The following TMEM132D variants were observed in gnomAD, a reference collection of about 807,000 sequenced individuals.
The protein encoded by TMEM132D is transmembrane protein 132D, also known as mature OL transmembrane protein.
A neutral mutation model predicts 62.3 loss-of-function variants in TMEM132D; 21 were observed. The observed-to-expected ratio is 0.34, with a 90% CI of 0.24 to 0.49. The LOEUF (loss-of-function observed/expected upper bound fraction) is 0.49, where lower values mean the gene tolerates loss of function less well. Ranked by LOEUF, TMEM132D falls within the 20% of genes least tolerant of loss-of-function variation. TMEM132D has a pLI of 0.99. For synonymous variants in TMEM132D, 621 were observed against 575.6 expected (o/e 1.08, Z -1.13); for missense variants, 1,346 against 1,402.8 (o/e 0.96, Z 0.65).
intron 1 of TMEM132D, among the ~76,000 whole-genome samples, chr12:129,805,405 G>C (rs1426068711): frequency 2.0e-5 from 3 of 152,046 alleles, no homozygotes; most frequent in African/African-American, 7.3e-5. Context: ...ACAACCATCT[G>C]ATCTTTGACA....
At chr12:129,715,529 A>G (rs1237906564) in intron 1 of TMEM132D, among the ~76,000 whole-genome samples, 1 of 152,192 alleles carries the variant, frequency 6.6e-6, no homozygotes, top group African/African-American at 2.4e-5. Flanking sequence ...ACCAATTCAA[A>G]GTGATTCTTG....
intron 5 of TMEM132D, among the ~76,000 whole-genome samples, chr12:129,101,181 C>T (rs370321190): frequency 9.0e-4 from 137 of 152,278 alleles, no homozygotes; most frequent in African/African-American, 3.1e-3. Context: ...TGGTGCCAGT[C>T]GGTGGCAGGA....
At position 129,352,826 on chromosome 12, in the gene TMEM132D, G is replaced by A. The variant is rs928158957; in HGVS notation, c.1116-15009C>T. Among the ~76,000 whole-genome samples the A allele has an allele frequency of 3.9e-5, 6 of 152,282 alleles. No homozygotes were observed. In the South Asian group the frequency reaches 8.3e-4, roughly 21 times the overall value. ...ACACTGTTGGTGGGAGTATAAATTAGTTCAGCCATCGTGGAAGACAGTGTG... is the reference window on the plus strand; with the variant it reads ...ACACTGTTGGTGGGAGTATAAATTAATTCAGCCATCGTGGAAGACAGTGTG... On this transcript the variant is annotated intron_variant, in intron 3 of 8. Transcript: ENST00000422113.
chr12:129,654,297 A>AGAGTGTGTGT (rs1555223866), intron 2 of TMEM132D, among the ~76,000 whole-genome samples: 5 of 148,360 alleles, frequency 3.4e-5, no homozygotes, highest in African/African-American at 1.2e-4. Flanking sequence ...TGTGTGTGTG[A>AGAGTGTGTGT]GTGTGTGTGT....
At chr12:129,792,822 A>AT (rs1026429295) in intron 1 of TMEM132D, among the ~76,000 whole-genome samples, 44 of 152,194 alleles carry the variant, frequency 2.9e-4, no homozygotes, top group African/African-American at 1.1e-3. Context: ...TACATTTGGC[A>AT]TTTTTTTCTG....
intron 3 of TMEM132D, among the ~76,000 whole-genome samples, chr12:129,430,822 A>G (rs1046745543): frequency 3.3e-5 from 5 of 152,220 alleles, no homozygotes; most frequent in African/African-American, 1.2e-4. Flanking sequence ...TTACAGAAAG[A>G]AAAAGGTGTT....
chr12:129,144,686 C>CATCTATCTATCTATCT (rs57315485), intron 5 of TMEM132D, among the ~76,000 whole-genome samples: 4,786 of 151,412 alleles, frequency 0.032, 119 homozygotes, highest in South Asian at 0.11. Flanking sequence ...GCTTATCTAT[C>CATCTATCTATCTATCT]ATCTATCTAT....
rs11060402 is a variant in TMEM132D at position 129,530,142 on chromosome 12, G to C, written c.1115+917C>G. On this transcript the variant is annotated intron_variant, in intron 3 of 8. Coordinates refer to ENST00000422113, the MANE Select transcript of TMEM132D (RefSeq NM_133448.3). ...TCCAAATCAAATCATCCCCACATTG[G>C]TTTCAAATGCTCCTTGATCATAAGC... Among the ~76,000 whole-genome samples the C allele has an allele frequency of 5.2e-3, 785 of 152,196 alleles. 38 individuals carry two copies. The South Asian group carries it at 0.095, about 18-fold the overall frequency.
chr12:129,469,793 C>T (rs1477007981), intron 3 of TMEM132D, among the ~76,000 whole-genome samples: 1 of 152,196 alleles, frequency 6.6e-6, no homozygotes, highest in African/African-American at 2.4e-5. Context: ...ATTTAAACCA[C>T]AGAGTCACCT....
intron 1 of TMEM132D, among the ~76,000 whole-genome samples, chr12:129,748,889 C>G (rs972765960): frequency 6.6e-6 from 1 of 152,172 alleles, no homozygotes; most frequent in African/African-American, 2.4e-5. Context: ...TCACCAAACC[C>G]CTTACTTTTT....
intron 4 of TMEM132D, among the ~76,000 whole-genome samples, chr12:129,261,997 A>G (rs900495370): frequency 6.6e-6 from 1 of 152,122 alleles, no homozygotes; most frequent in Admixed American, 6.5e-5. Context: ...AGAGGGAGAA[A>G]TGTCAAGTGG....
At chr12:129,258,597 T>G (rs1880470546) in intron 4 of TMEM132D, among the ~76,000 whole-genome samples, 1 of 152,204 alleles carries the variant, frequency 6.6e-6, no homozygotes, top group Admixed American at 6.5e-5. Context: ...ATGTGTTCAC[T>G]TTTTACCTTT....
intron 4 of TMEM132D, among the ~76,000 whole-genome samples, chr12:129,265,457 T>C (rs1880660948): frequency 6.6e-6 from 1 of 152,154 alleles, no homozygotes; most frequent in Non-Finnish European, 1.5e-5. Context: ...ACTATAAGCA[T>C]GGTAAGTAAT....
At chr12:129,863,528 C>T (rs1354640489) in intron 1 of TMEM132D, among the ~76,000 whole-genome samples, 1 of 152,104 alleles carries the variant, frequency 6.6e-6, no homozygotes, top group African/African-American at 2.4e-5. Context: ...TTTAAAATAT[C>T]AACTTTGCTA....
intron 3 of TMEM132D, among the ~76,000 whole-genome samples, chr12:129,482,945 CTGTGTGTGTGTGTGTGTG>C (rs59346043): frequency 5.8e-4 from 83 of 144,290 alleles, no homozygotes; most frequent in African/African-American, 1.3e-3. Context: ...CATATTTAAT[CTGTGTGTGTGTGTGTGTG>C]TGTGTGTGTG....
chr12:129,503,513 A>G (rs931067818), intron 3 of TMEM132D, among the ~76,000 whole-genome samples: 1 of 152,224 alleles, frequency 6.6e-6, no homozygotes, highest in African/African-American at 2.4e-5. Flanking sequence ...AGCTTATGTA[A>G]GTACACAGCA....
chr12:129,525,978 T>C (rs1053224554), intron 3 of TMEM132D, among the ~76,000 whole-genome samples: 2 of 152,244 alleles, frequency 1.3e-5, no homozygotes, highest in South Asian at 2.1e-4. Flanking sequence ...GGTTGGGTGA[T>C]ACTCAGATTC....
intron 2 of TMEM132D, among the ~76,000 whole-genome samples, chr12:129,628,484 GC>G (rs1334608813): frequency 5.3e-5 from 8 of 152,164 alleles, no homozygotes; most frequent in Non-Finnish European, 8.8e-5. Context: ...AGGCAGGAAG[GC>G]TTGCCCAGAC....
intron 3 of TMEM132D, among the ~76,000 whole-genome samples, chr12:129,476,457 A>G (rs539725529): frequency 1.6e-3 from 241 of 152,300 alleles, no homozygotes; most frequent in African/African-American, 5.6e-3. Flanking sequence ...TCTGTCTGAC[A>G]TTGTTGGTGC....
Sources: allele counts gnomAD v4.1 joint callset (sites outside exome capture counted in the v4.1 genomes callset), GRCh38; gene constraint gnomAD v4.1.1; transcripts MANE v1.5; gene names NCBI Gene and HGNC (gene_info 2026-07-23, HGNC 2026-07-21).